Variants in TTC17 observed in about 807,000 individuals in gnomAD.
The protein encoded by TTC17 is tetratricopeptide repeat domain 17.
Under a neutral mutation model 143.8 loss-of-function variants are expected in TTC17, and 58 were observed. That is an observed-to-expected ratio of 0.40 (90% CI 0.33 to 0.50). The LOEUF (loss-of-function observed/expected upper bound fraction) is 0.50. TTC17 is among the 20% of genes least tolerant of loss of function. The probability of loss-of-function intolerance (pLI) is 0.49; values close to 1 mark genes in which losing one functional copy is unlikely to be tolerated. For missense variants in TTC17, 1,273 were observed against 1,392.5 expected (o/e 0.91, Z 1.37); for synonymous variants, 501 against 497.8 (o/e 1.01, Z -0.09).
At chr11:43,419,706 G>A (rs1946856602) in intron 16 of TTC17, among the ~76,000 whole-genome samples, 1 of 151,910 alleles carries the variant, frequency 6.6e-6, no homozygotes, top group Non-Finnish European at 1.5e-5. Flanking sequence ...TTAGAGGCAG[G>A]GTCTCACTGT....
At chr11:43,398,263 G>T in intron 8 of TTC17, 150 bp downstream of exon 8, 1 of 989,432 alleles carries the variant, frequency 1.0e-6, no homozygotes. Flanking sequence ...TGTAAGTCCT[G>T]GTGGTTTAGC....
chr11:43,451,523 G>T (rs1264922083), intron 21 of TTC17, among the ~76,000 whole-genome samples: 1 of 152,118 alleles, frequency 6.6e-6, no homozygotes, highest in African/African-American at 2.4e-5. Context: ...CCCAGTATGT[G>T]TGTATAGAGG....
chr11:43,462,918 A>ATTTTTTTTTTTTTT (rs1369564202), intron 21 of TTC17, among the ~76,000 whole-genome samples: 1 of 95,316 alleles, frequency 1.0e-5, no homozygotes, highest in African/African-American at 4.8e-5. Context: ...CAGTGACAAA[A>ATTTTTTTTTTTTTT]TTCTTTTTTT....
intron 21 of TTC17, among the ~76,000 whole-genome samples, chr11:43,467,967 T>G (rs1948012421): frequency 6.6e-6 from 1 of 152,182 alleles, no homozygotes; most frequent in Admixed American, 6.5e-5. Context: ...GCTCAGAATT[T>G]ATTTCCTAAG....
In TTC17 at chr11:43,492,164, G is replaced by A; in HGVS notation, c.3294+1G>A. The stretch of plus-strand genomic sequence containing the variant: ...TCTGGGCAATGTCTACGTGGCAATG[G>A]TGAGATGGGGGTGTGAGCAGTATGT... On this transcript the variant is annotated splice_donor_variant, in intron 23 of 23. Coordinates refer to ENST00000039989, the MANE Select transcript of TTC17 (RefSeq NM_018259.6). LOFTEE classifies it high-confidence loss of function. 4.3e-6 allele frequency: 7 copies of A among 1,613,954 alleles called. No homozygotes were observed. The highest frequency in any genetic ancestry group is 5.9e-6 in the Non-Finnish European group (7 of 1,179,912).
chr11:43,475,417 C>A (rs1948167799), intron 21 of TTC17, among the ~76,000 whole-genome samples: 1 of 152,174 alleles, frequency 6.6e-6, no homozygotes, highest in South Asian at 2.1e-4. Context: ...ACTACAGCCT[C>A]AACCTCCCAG....
chr11:43,361,713 A>G (rs1485347909), intron 1 of TTC17, among the ~76,000 whole-genome samples: 1 of 152,242 alleles, frequency 6.6e-6, no homozygotes, highest in East Asian at 1.9e-4. Flanking sequence ...TTGTCCTGAC[A>G]TACCAAATTC....
At chr11:43,477,684 C>T (rs1262842848) in intron 21 of TTC17, among the ~76,000 whole-genome samples, 1 of 152,106 alleles carries the variant, frequency 6.6e-6, no homozygotes, top group Non-Finnish European at 1.5e-5. Flanking sequence ...TCCCACAACA[C>T]GTGGGAATTC....
intron 21 of TTC17, among the ~76,000 whole-genome samples, chr11:43,484,559 AT>A (rs1948347140): frequency 2.0e-5 from 3 of 152,224 alleles, no homozygotes; most frequent in Admixed American, 2.0e-4. Context: ...TGCTATTATA[AT>A]CAAAGTACCA....
rs544531115 is a variant in TTC17, at chr11:43,443,386, G to T, written c.2313G>T (p.Met771Ile). The change falls in exon 17 of 24, where the codon ATG (methionine) becomes ATT (isoleucine). Residue 771 changes from methionine to isoleucine, a missense_variant. Transcript: ENST00000039989. ...DEMENSDETK[M>I]SEEILALVDE... ...TGGAGAATTCAGATGAAACCAAAAT[G>T]TCAGAAGAAATACTGGCTTTGGTGG... is the stretch of plus-strand genomic sequence containing the variant. The T allele has an allele frequency of 3.7e-6, 6 of 1,614,142 alleles. No homozygotes were observed. In the African/African-American group the frequency reaches 8.0e-5, roughly 22 times the overall value.
chr11:43,444,734 C>T (rs1310395042), intron 18 of TTC17, among the ~76,000 whole-genome samples: 1 of 151,406 alleles, frequency 6.6e-6, no homozygotes, highest in Non-Finnish European at 1.5e-5. Context: ...CACACACACA[C>T]ACACACACAC....
intron 16 of TTC17, 38 bp downstream of exon 16, chr11:43,414,814 A>C (rs1429784564): frequency 3.1e-6 from 5 of 1,590,656 alleles, no homozygotes; most frequent in Non-Finnish European, 4.3e-6. Flanking sequence ...TAATGAGCTC[A>C]GCCAGAGTTC....
chr11:43,446,739 C>G, intron 18 of TTC17: 1 of 913,534 alleles, frequency 1.1e-6, no homozygotes, highest in Non-Finnish European at 1.3e-6. Flanking sequence ...TCCTTCCTGC[C>G]TATTCCATTA....
At chr11:43,402,972 TAAG>T (rs1043720113) in intron 10 of TTC17, among the ~76,000 whole-genome samples, 1 of 152,000 alleles carries the variant, frequency 6.6e-6, no homozygotes, top group Non-Finnish European at 1.5e-5. Context: ...AGACAAAAAT[TAAG>T]AAGCCATTTT....
chr11:43,407,970 T>C (rs1029231662), intron 15 of TTC17, among the ~76,000 whole-genome samples: 1 of 152,140 alleles, frequency 6.6e-6, no homozygotes, highest in Non-Finnish European at 1.5e-5. Flanking sequence ...ATTTATACCC[T>C]TCAAGCCAGA....
intron 16 of TTC17, among the ~76,000 whole-genome samples, chr11:43,427,604 AC>A (rs1390629709): frequency 1.3e-5 from 2 of 152,210 alleles, no homozygotes; most frequent in Non-Finnish European, 2.9e-5. Context: ...ACATAAAAGT[AC>A]CAATTTTACC....
At position 43,443,609 on chromosome 11, in the gene TTC17, C is replaced by T. The variant is rs140836815; in HGVS notation, c.2511+25C>T. The stretch of plus-strand genomic sequence containing the variant: ...GGTAAGTTTGCCAACTTAATTCTCA[C>T]AAAATTGTAGCCCATGCCTTTCAGG... On this transcript the variant is annotated intron_variant, in intron 17 of 23. Transcript: ENST00000039989. 2.7e-3 allele frequency: 4,245 copies of T among 1,591,550 alleles called. 26 individuals are homozygous for T. The highest frequency in any genetic ancestry group is 0.024 in the Middle Eastern group (138 of 5,820).
At chr11:43,362,744 C>T (rs573274700) in intron 1 of TTC17, among the ~76,000 whole-genome samples, 1 of 152,304 alleles carries the variant, frequency 6.6e-6, no homozygotes, top group South Asian at 2.1e-4. Context: ...CAGGCTTGTG[C>T]CACCATGCCC....
chr11:43,389,546 A>T (rs546766304), intron 2 of TTC17, 106 bp from the exon 3 acceptor site: 3 of 1,159,618 alleles, frequency 2.6e-6, no homozygotes, highest in South Asian at 1.9e-5. Flanking sequence ...TTGTCTTCCT[A>T]CATAGAGGAT....
Sources: allele counts gnomAD v4.1 joint callset (sites outside exome capture counted in the v4.1 genomes callset), GRCh38; gene constraint gnomAD v4.1.1; transcripts MANE v1.5; gene names NCBI Gene and HGNC (gene_info 2026-07-23, HGNC 2026-07-21).